Variants in ECPAS observed in about 807,000 individuals in gnomAD.
ECPAS encodes Ecm29 proteasome adaptor and scaffold, also known as proteasome adapter and scaffold protein ECM29.
A neutral mutation model predicts 255.1 loss-of-function variants in ECPAS; 70 were observed. That is an observed-to-expected ratio of 0.27 (90% confidence interval 0.23 to 0.33). The LOEUF (loss-of-function observed/expected upper bound fraction) is 0.33. Among genes scored for constraint, ECPAS ranks in the 10% least tolerant of loss-of-function variants. The pLI is 1.00. For missense variants in ECPAS, 1,817 were observed against 2,206.4 expected, an observed-to-expected ratio of 0.82 and a Z score of 3.54; for synonymous variants, 784 against 775.0, an observed-to-expected ratio of 1.01 and a Z score of -0.19.
intron 24 of ECPAS, among the ~76,000 whole-genome samples, chr9:111,400,137 C>T (rs2098173563): frequency 6.6e-6 from 1 of 152,240 alleles, no homozygotes; most frequent in African/African-American, 2.4e-5. Context: ...CCCTTATCTT[C>T]CCCAAGTCCA....
intron 2 of ECPAS, among the ~76,000 whole-genome samples, chr9:111,470,904 C>T (rs2098287132): frequency 6.6e-6 from 1 of 152,108 alleles, no homozygotes; most frequent in Non-Finnish European, 1.5e-5. Context: ...CCACAAGGCC[C>T]TTTCCCCCAG....
At chr9:111,367,701 T>C (rs911374982) in intron 46 of ECPAS, among the ~76,000 whole-genome samples, 2 of 152,148 alleles carry the variant, frequency 1.3e-5, no homozygotes, top group Non-Finnish European at 2.9e-5. Context: ...CCTTAACTGA[T>C]TCTAGACATA....
intron 41 of ECPAS, 122 bp downstream of exon 41, chr9:111,373,048 A>C (rs1178627920): frequency 3.4e-6 from 3 of 892,056 alleles, no homozygotes; most frequent in Non-Finnish European, 5.4e-6. Context: ...AAAGAAAAGA[A>C]AAGAAACAAA....
rs1409118636 is a variant in ECPAS at position 111,397,035 on chromosome 9, G to A, written c.2771C>T (p.Pro924Leu). 1.2e-6 allele frequency: 2 copies of A among 1,613,968 alleles called. No individual in the cohort carries two copies. The highest frequency in any genetic ancestry group is 8.5e-7 in the Non-Finnish European group (1 of 1,179,822). ...ATTAGCTGAATATTTGGTACCAGCA[G>A]GTGGAGTATATTCCTCTTCAGTCAT... is the stretch of plus-strand genomic sequence containing the variant. ...WQMTEEEYTP[P>L]AGAKVNDVVP... The change falls in exon 25 of 50, where the codon CCT (proline) becomes CTT (leucine). Residue 924 changes from proline to leucine, a missense_variant. Around this residue, in one of 4 missense-constraint regions of ECPAS, gnomAD observed 960 missense variants for 1,179.0 expected, o/e 0.81. Coordinates refer to ENST00000684092, the MANE Select transcript of ECPAS (RefSeq NM_001364929.1).
At chr9:111,483,525 A>AGGCGGC in intron 1 of ECPAS, 2 of 971,672 alleles carry the variant, frequency 2.1e-6, no homozygotes, top group Non-Finnish European at 2.4e-6. Context: ...TGGGAGGCGG[A>AGGCGGC]GGCGGCGGCC....
intron 3 of ECPAS, 93 bp from the exon 4 acceptor site, chr9:111,444,587 T>C (rs1326648278): frequency 7.7e-5 from 61 of 795,500 alleles, no homozygotes; most frequent in East Asian, 2.3e-4. Flanking sequence ...TCTATGTTAG[T>C]GAATAGTAGC....
rs1159326262 is a variant in ECPAS at position 111,361,342 on chromosome 9, T to C, written c.*688A>G. 5 of 152,196 alleles carry C rather than the reference T, an allele frequency of 3.3e-5. No individual in the cohort carries two copies. Among genetic ancestry groups the C allele is most frequent in the African/African-American group, 1.2e-4 (5 of 41,450 alleles). The allele number at this position is 152,196 out of a possible 1,614,324, so 9.4% of individuals were successfully genotyped here. A position where few individuals can be genotyped will look rare whatever the true frequency, so the allele number is the denominator to read the frequency against. On this transcript the variant is annotated 3_prime_UTR_variant, in exon 50 of 50. Coordinates refer to ENST00000684092, the MANE Select transcript of ECPAS (RefSeq NM_001364929.1). ...CTCCATCTGTAAAGATGCTAAACAATCATTTTCTCCAAATCAACCACCTAA... is the reference window on the plus strand; with the variant it reads ...CTCCATCTGTAAAGATGCTAAACAACCATTTTCTCCAAATCAACCACCTAA...
chr9:111,484,209 G>T lies in ECPAS; in HGVS notation c.-176C>A. 1 of 1,472,556 alleles carries T rather than the reference G, an allele frequency of 6.8e-7. No individual in the cohort carries two copies. The highest frequency in any genetic ancestry group is 9.0e-7 in the Non-Finnish European group (1 of 1,115,508). The allele number at this position is 1,472,556 out of a possible 1,614,324, so 91.2% of individuals were successfully genotyped here. ...AGGCGTTCGGCGGGCCGGGCCCCGGGGAGCCGCGCGCCGCAGTCCGTGAGG... is the reference window on the plus strand; with the variant it reads ...AGGCGTTCGGCGGGCCGGGCCCCGGTGAGCCGCGCGCCGCAGTCCGTGAGG... On this transcript the variant is annotated 5_prime_UTR_variant, in exon 1 of 50. Coordinates refer to ENST00000684092, the MANE Select transcript of ECPAS (RefSeq NM_001364929.1).
intron 46 of ECPAS, among the ~76,000 whole-genome samples, 177 bp downstream of exon 46, chr9:111,368,858 C>A (rs1297057496): frequency 2.0e-5 from 3 of 152,224 alleles, no homozygotes; most frequent in African/African-American, 7.2e-5. Context: ...TACAGCGGTA[C>A]AATGATCAGT....
At chr9:111,418,258 G>A (rs1288096045) in intron 16 of ECPAS, among the ~76,000 whole-genome samples, 3 of 152,068 alleles carry the variant, frequency 2.0e-5, no homozygotes, top group African/African-American at 7.2e-5. Flanking sequence ...ACAAGATAGG[G>A]TACTTTAAGT....
At position 111,361,995 on chromosome 9, in the gene ECPAS, G is replaced by A. The variant is rs1308945267; in HGVS notation, c.*35C>T. 2 of 1,604,918 alleles carry A rather than the reference G, an allele frequency of 1.2e-6. No individual in the cohort carries two copies. The highest frequency in any genetic ancestry group is 4.5e-5 in the East Asian group (2 of 44,658). ...GAACACCACCACTTCAACCCCCAATGAACATGGCACTTGTTTGTTTCTTCC... is the reference window on the plus strand; with the variant it reads ...GAACACCACCACTTCAACCCCCAATAAACATGGCACTTGTTTGTTTCTTCC... On this transcript the variant is annotated 3_prime_UTR_variant, in exon 50 of 50. Coordinates refer to ENST00000684092, the MANE Select transcript of ECPAS (RefSeq NM_001364929.1).
chr9:111,375,236 T>G (rs1277743374), intron 37 of ECPAS, 34 bp from the exon 38 acceptor site: 1 of 1,549,990 alleles, frequency 6.5e-7, no homozygotes, highest in Admixed American at 1.7e-5. Flanking sequence ...AGGTAAGCCT[T>G]GGCAAATAAG....
chr9:111,412,742 T>C (rs2098196625), intron 20 of ECPAS, among the ~76,000 whole-genome samples: 1 of 152,206 alleles, frequency 6.6e-6, no homozygotes, highest in Non-Finnish European at 1.5e-5. Context: ...TCATAAGAAA[T>C]AAAAAAACCT....
Position 111,374,001 on chromosome 9 carries a change from T to C in ECPAS, c.4148A>G (p.Gln1383Arg). ...GTAAGGTGTTAGGTCCTGAGGACAC[T>C]GAGTAGTTAATGACACAATGACACT... ...CASVIVSLTTQCPQDLTPYSG... is the reference protein window; with the variant it reads ...CASVIVSLTTRCPQDLTPYSG... The change falls in exon 39 of 50, where the codon CAG becomes CGG. Residue 1383 changes from glutamine to arginine, a missense_variant. Around this residue, in one of 4 missense-constraint regions of ECPAS, gnomAD observed 960 missense variants for 1,179.0 expected, o/e 0.81. Coordinates refer to ENST00000684092, the MANE Select transcript of ECPAS (RefSeq NM_001364929.1). 3.1e-6 allele frequency: 5 copies of C among 1,613,474 alleles called. No individual in the cohort carries two copies. Among genetic ancestry groups the C allele is most frequent in the Non-Finnish European group, 3.4e-6 (4 of 1,179,450 alleles).
intron 46 of ECPAS, 42 bp downstream of exon 46, chr9:111,368,993 A>C: frequency 6.8e-7 from 1 of 1,477,568 alleles, no homozygotes; most frequent in Non-Finnish European, 9.0e-7. Flanking sequence ...TCATTAAGTA[A>C]CCTCTGGTTA....
rs904048311 is a variant in ECPAS, at chr9:111,484,352, A to C, written c.-319T>G. 1.5e-5 allele frequency: 24 copies of C among 1,610,010 alleles called. No individual in the cohort carries two copies. Among genetic ancestry groups the C allele is most frequent in the Non-Finnish European group, 2.0e-5 (23 of 1,178,886 alleles). ...CGTTGGCTGGGCCCGACCTGGGGAA[A>C]CACGCCTGTCCAAAGGAAGAGACGT... On this transcript the variant is annotated 5_prime_UTR_variant, in exon 1 of 50. Transcript: ENST00000684092.
Position 111,397,114 on chromosome 9 carries a change from T to C in ECPAS, c.2692A>G (p.Ile898Val), listed in dbSNP as rs2098168737. 6.2e-7 allele frequency: 1 copy of C among 1,613,948 alleles called. No individual in the cohort carries two copies. Among genetic ancestry groups the C allele is most frequent in the Non-Finnish European group, 8.5e-7 (1 of 1,179,816 alleles). ...IELQFTIGEA[I>V]TSAAIGTSSV... is the part of the protein sequence containing the mutation. ...CTAGTTCCTATTGCAGCACTGGTAA[T>C]GGCTTCGCCAATAGTGAACTGAAGT... The change falls in exon 25 of 50, where the codon ATT becomes GTT. Residue 898 changes from isoleucine (I) to valine (V), a missense_variant. Physicochemically the swap from Ile to Val is conservative, Grantham distance 29. Transcript: ENST00000684092.
intron 1 of ECPAS, among the ~76,000 whole-genome samples, chr9:111,478,486 C>T (rs2098299422): frequency 2.0e-5 from 3 of 151,976 alleles, no homozygotes. Flanking sequence ...GAGATTGCAC[C>T]ACGGCACTCC....
intron 7 of ECPAS, among the ~76,000 whole-genome samples, chr9:111,435,111 C>G (rs2098236077): frequency 6.6e-6 from 1 of 151,780 alleles, no homozygotes; most frequent in Non-Finnish European, 1.5e-5. Flanking sequence ...GTTGCTCAGG[C>G]TGGTCTCGAA....
Sources: gnomAD v4.1 joint callset for allele counts (sites outside exome capture counted in the v4.1 genomes callset) on GRCh38, gnomAD v4.1.1 for gene constraint, gnomAD v4.1.1 regional missense constraint, MANE v1.5 for transcripts, NCBI Gene and HGNC (gene_info 2026-07-23, HGNC 2026-07-21) for gene names.